UNCX: variants seen among roughly 807,000 people sequenced by gnomAD.
UNCX encodes the protein UNC homeobox.
UNCX carries 4 observed loss-of-function variants against 14.8 expected under a neutral mutation model. That is an observed-to-expected ratio of 0.27 (90% CI 0.13 to 0.62). UNCX has a LOEUF of 0.62. UNCX is among the 20% of genes least tolerant of loss of function. The pLI is 0.86. For synonymous variants in UNCX, 459 were observed against 395.8 expected, an observed-to-expected ratio of 1.16 and a Z score of -1.90; for missense variants, 749 against 786.8, an observed-to-expected ratio of 0.95 and a Z score of 0.58.
In UNCX at chr7:1,236,954, G is replaced by T; in HGVS notation, c.1573G>T (p.Gly525Cys). ...GAAAGPSPPE[G>C]EELDMD ...GGCGGCCGGACCCAGCCCGCCGGAG[G>T]GCGAGGAGCTGGACATGGACTGAGG... The change falls in exon 3 of 3, where the codon GGC becomes TGC. Residue 525 changes from glycine to cysteine, a missense_variant. Transcript: ENST00000316333. This position sits in a 1 kb window ranked among gnomAD's most constrained non-coding sequence, Gnocchi z 6.9. 1 of 1,199,350 alleles carries T rather than the reference G, an allele frequency of 8.3e-7. No individual in the cohort carries two copies. Among genetic ancestry groups the T allele is most frequent in the Non-Finnish European group, 1.0e-6 (1 of 966,796 alleles). 74.3% of individuals were successfully genotyped at this position (1,199,350 alleles called of 1,614,324 possible).
chr7:1,237,147 T>A lies in UNCX; in HGVS notation c.*170T>A. ...GAGTAAACGAAAGTGCTGTATGAAT[T>A]CGGACCCAGGCAGCAACCACAGGAC... is the stretch of plus-strand genomic sequence containing the variant. On this transcript the variant is annotated 3_prime_UTR_variant, in exon 3 of 3. Coordinates refer to ENST00000316333, the MANE Select transcript of UNCX (RefSeq NM_001080461.3). The surrounding 1 kb of genome is among the most constrained non-coding windows in gnomAD (Gnocchi z 5.8). 1.7e-6 allele frequency: 1 copy of A among 580,066 alleles called. No homozygotes were observed. Among genetic ancestry groups the A allele is most frequent in the Non-Finnish European group, 2.2e-6 (1 of 445,564 alleles). The allele number at this position is 580,066 out of a possible 1,614,324, so 35.9% of individuals were successfully genotyped here.
In UNCX at chr7:1,236,818, G is replaced by T; in HGVS notation, c.1437G>T (p.Ala479=). ...GCGGCGGCGGGGACTGCGCGGACGC[G>T]GGGACCGCCGGCCCCGCGCCCCCGC... is the stretch of plus-strand genomic sequence containing the variant. ...TEGGGGDCAD[A]GTAGPAPPPP... The change falls in exon 3 of 3, where the codon GCG becomes GCT. Residue 479 remains alanine (A), a synonymous_variant. Transcript: ENST00000316333. The surrounding 1 kb of genome is among the most constrained non-coding windows in gnomAD (Gnocchi z 6.9). 1 of 987,340 alleles carries T rather than the reference G, an allele frequency of 1.0e-6. No individual in the cohort carries two copies. The highest frequency in any genetic ancestry group is 4.5e-5 in the South Asian group (1 of 22,078). The allele number at this position is 987,340 out of a possible 1,614,324, so 61.2% of individuals were successfully genotyped here.
At position 1,236,479 on chromosome 7, in the gene UNCX, G is replaced by T. The variant is rs773393879; in HGVS notation, c.1098G>T (p.Pro366=). The T allele has an allele frequency of 1.4e-4, 193 of 1,386,102 alleles. No homozygotes were observed. Among genetic ancestry groups the T allele is most frequent in the Non-Finnish European group, 1.6e-4 (176 of 1,066,994 alleles). The allele number at this position is 1,386,102 out of a possible 1,614,324, so 85.9% of individuals were successfully genotyped here. The change falls in exon 3 of 3, where the codon CCG becomes CCT. Residue 366 remains proline, a synonymous_variant. Transcript: ENST00000316333. This position sits in a 1 kb window ranked among gnomAD's most constrained non-coding sequence, Gnocchi z 6.9. The stretch of plus-strand genomic sequence containing the variant: ...GGCTGGACTTCGCGCCCGGGCTGCC[G>T]TGCGCGCCGCGGACCCTGATCGGCA... ...AAGLDFAPGL[P]CAPRTLIGKG...
In UNCX at chr7:1,233,699, A is replaced by C. The variant is rs757653977; in HGVS notation, c.450+4A>C. On this transcript the variant is annotated splice_donor_region_variant and intron_variant, in intron 2 of 2. Transcript: ENST00000316333. This position sits in a 1 kb window ranked among gnomAD's most constrained non-coding sequence, Gnocchi z 5.3. ...CCTGGTCGAGTCCCGAGTTCAGGTAAAGACCCGGCGTCGCTCCCGGATCTG... is the reference window on the plus strand; with the variant it reads ...CCTGGTCGAGTCCCGAGTTCAGGTACAGACCCGGCGTCGCTCCCGGATCTG... 6.9e-6 allele frequency: 11 copies of C among 1,591,170 alleles called. No individual in the cohort carries two copies. Among genetic ancestry groups the C allele is most frequent in the Non-Finnish European group, 9.4e-6 (11 of 1,166,278 alleles).
At position 1,233,704 on chromosome 7, in the gene UNCX, C is replaced by G; in HGVS notation, c.450+9C>G. 1 of 1,585,338 alleles carries G rather than the reference C, an allele frequency of 6.3e-7. No homozygotes were observed. Among genetic ancestry groups the G allele is most frequent in the African/African-American group, 1.4e-5 (1 of 73,416 alleles). On this transcript the variant is annotated intron_variant, in intron 2 of 2. Transcript: ENST00000316333. The surrounding 1 kb of genome is among the most constrained non-coding windows in gnomAD (Gnocchi z 5.3). ...TCGAGTCCCGAGTTCAGGTAAAGACCCGGCGTCGCTCCCGGATCTGCCATC... is the reference window on the plus strand; with the variant it reads ...TCGAGTCCCGAGTTCAGGTAAAGACGCGGCGTCGCTCCCGGATCTGCCATC...
rs754043600 is a variant in UNCX at position 1,235,924 on chromosome 7, G to T, written c.543G>T (p.Thr181=). The T allele has an allele frequency of 3.7e-6, 6 of 1,612,516 alleles. No homozygotes were observed. Among genetic ancestry groups the T allele is most frequent in the Non-Finnish European group, 5.1e-6 (6 of 1,179,724 alleles). Residue 181 remains threonine, a synonymous_variant, in exon 3 of 3, where the codon ACG becomes ACT. Transcript: ENST00000316333. ...CGGCGCACAACTCGCACCCGACCAC[G>T]TGCAGCGGCGAGCCCATGGACCCGG... ...GRPAHNSHPT[T]CSGEPMDPEE...
chr7:1,236,478 C>A lies in UNCX; in HGVS notation c.1097C>A (p.Pro366Gln). ...GGGCTGGACTTCGCGCCCGGGCTGC[C>A]GTGCGCGCCGCGGACCCTGATCGGC... is the stretch of plus-strand genomic sequence containing the variant. ...AAGLDFAPGLPCAPRTLIGKG... is the reference protein window; with the variant it reads ...AAGLDFAPGLQCAPRTLIGKG... The change falls in exon 3 of 3, where the codon CCG (proline) becomes CAG (glutamine). Residue 366 changes from proline to glutamine, a missense_variant. This residue lies in a region of UNCX where 552 missense variants were observed against 507.2 expected (regional missense o/e 1.09). Coordinates refer to ENST00000316333, the MANE Select transcript of UNCX (RefSeq NM_001080461.3). The surrounding 1 kb of genome is among the most constrained non-coding windows in gnomAD (Gnocchi z 6.9). 2 of 1,386,074 alleles carry A rather than the reference C, an allele frequency of 1.4e-6. No homozygotes were observed. Among genetic ancestry groups the A allele is most frequent in the South Asian group, 1.4e-5 (1 of 70,356 alleles). 85.9% of individuals were successfully genotyped at this position (1,386,074 alleles called of 1,614,324 possible).
chr7:1,236,263 C>T lies in UNCX; in HGVS notation c.882C>T (p.Gly294=). 2.2e-6 allele frequency: 3 copies of T among 1,379,312 alleles called. No homozygotes were observed. Among genetic ancestry groups the T allele is most frequent in the Non-Finnish European group, 1.9e-6 (2 of 1,059,492 alleles). The allele number at this position is 1,379,312 out of a possible 1,614,324, so 85.4% of individuals were successfully genotyped here. Residue 294 remains glycine, a synonymous_variant, in exon 3 of 3, where the codon GGC becomes GGT. Coordinates refer to ENST00000316333, the MANE Select transcript of UNCX (RefSeq NM_001080461.3). The surrounding 1 kb of genome is among the most constrained non-coding windows in gnomAD (Gnocchi z 6.9). ...ACCCGAGCCAAAGAAGCGGCGCCGG[C>T]CCACAGCCGCGCCCAGGTCGCCCTG... ...AFYPSQRSGA[G]PQPRPGRPAD...
Position 1,236,705 on chromosome 7 carries a change from C to T in UNCX, c.1324C>T (p.Arg442Cys), listed in dbSNP as rs1778749958. The T allele has an allele frequency of 1.0e-6, 1 of 998,704 alleles. No homozygotes were observed. Among genetic ancestry groups the T allele is most frequent in the Non-Finnish European group, 1.2e-6 (1 of 840,518 alleles). The allele number at this position is 998,704 out of a possible 1,614,324, so 61.9% of individuals were successfully genotyped here. The change falls in exon 3 of 3, where the codon CGC (arginine) becomes TGC (cysteine). Residue 442 changes from arginine to cysteine, a missense_variant. Physicochemically the swap from Arg to Cys is radical, Grantham distance 180 (BLOSUM62 -3). Around this residue, in one of 3 missense-constraint regions of UNCX, gnomAD observed 552 missense variants for 507.2 expected, o/e 1.09. Coordinates refer to ENST00000316333, the MANE Select transcript of UNCX (RefSeq NM_001080461.3). The surrounding 1 kb of genome is among the most constrained non-coding windows in gnomAD (Gnocchi z 6.9). Reference protein sequence around the residue: ...GGAPDSAFARRSPDAVASPGA... With the variant: ...GGAPDSAFARCSPDAVASPGA... ...CGCCCCGGACTCGGCCTTCGCGCGT[C>T]GCAGCCCCGACGCCGTCGCCTCCCC...
Position 1,236,056 on chromosome 7 carries a change from G to C in UNCX, c.675G>C (p.Leu225=). 2 of 1,598,482 alleles carry C rather than the reference G, an allele frequency of 1.3e-6. No homozygotes were observed. Among genetic ancestry groups the C allele is most frequent in the Non-Finnish European group, 1.7e-6 (2 of 1,173,754 alleles). Residue 225 remains leucine (L), a synonymous_variant, in exon 3 of 3, where the codon CTG becomes CTC. Transcript: ENST00000316333. This position sits in a 1 kb window ranked among gnomAD's most constrained non-coding sequence, Gnocchi z 6.9. ...GCCACTTGCACTCGCCCGGCGGCCTGTCCCTGCACAGCGCGCCCAGCTCCG... is the reference window on the plus strand; with the variant it reads ...GCCACTTGCACTCGCCCGGCGGCCTCTCCCTGCACAGCGCGCCCAGCTCCG... ...QGRHLHSPGG[L]SLHSAPSSDS...
Position 1,236,402 on chromosome 7 carries a change from T to A in UNCX, c.1021T>A (p.Ser341Thr). The change falls in exon 3 of 3, where the codon TCG (serine) becomes ACG (threonine). Residue 341 changes from serine (S) to threonine (T), a missense_variant. Coordinates refer to ENST00000316333, the MANE Select transcript of UNCX (RefSeq NM_001080461.3). The surrounding 1 kb of genome is among the most constrained non-coding windows in gnomAD (Gnocchi z 6.9). ...CAGCGTGGAGAGCCTCCTGTCCGAC[T>A]CGCCGCCGCGCCGGAAAGCCGCTTC... is the stretch of plus-strand genomic sequence containing the variant. ...PFSVESLLSD[S>T]PPRRKAASNA... 1.5e-6 allele frequency: 2 copies of A among 1,369,160 alleles called. No homozygotes were observed. Among genetic ancestry groups the A allele is most frequent in the Non-Finnish European group, 1.9e-6 (2 of 1,059,100 alleles). The allele number at this position is 1,369,160 out of a possible 1,614,324, so 84.8% of individuals were successfully genotyped here.
Position 1,236,408 on chromosome 7 carries a change from C to T in UNCX, c.1027C>T (p.Pro343Ser), listed in dbSNP as rs1352815027. The T allele has an allele frequency of 7.3e-7, 1 of 1,370,994 alleles. No individual in the cohort carries two copies. Among genetic ancestry groups the T allele is most frequent in the Non-Finnish European group, 9.4e-7 (1 of 1,059,720 alleles). 84.9% of individuals were successfully genotyped at this position (1,370,994 alleles called of 1,614,324 possible). ...GGAGAGCCTCCTGTCCGACTCGCCG[C>T]CGCGCCGGAAAGCCGCTTCCAACGC... ...SVESLLSDSP[P>S]RRKAASNAAA... is the part of the protein sequence containing the mutation. The change falls in exon 3 of 3, where the codon CCG becomes TCG. Residue 343 changes from proline to serine, a missense_variant. By Grantham distance (74) the Pro-to-Ser change is moderately conservative (BLOSUM62 -1). This residue lies in a region of UNCX where 552 missense variants were observed against 507.2 expected (regional missense o/e 1.09). Coordinates refer to ENST00000316333, the MANE Select transcript of UNCX (RefSeq NM_001080461.3). The surrounding 1 kb of genome is among the most constrained non-coding windows in gnomAD (Gnocchi z 6.9).
Position 1,235,812 on chromosome 7 carries a change from C to T in UNCX, c.451-20C>T, listed in dbSNP as rs781174245. On this transcript the variant is annotated intron_variant, in intron 2 of 2. Transcript: ENST00000316333. ...CCGCCGCCTGATTGTGGCTTCCTCT[C>T]CCCTATCCGGCTGCTCTAGGTCTGG... The T allele has an allele frequency of 1.9e-6, 3 of 1,604,848 alleles. No individual in the cohort carries two copies. Among genetic ancestry groups the T allele is most frequent in the African/African-American group, 2.7e-5 (2 of 74,674 alleles).
Position 1,237,042 on chromosome 7 carries a change from C to G in UNCX, c.*65C>G, listed in dbSNP as rs991815811. 77 of 1,075,830 alleles carry G rather than the reference C, an allele frequency of 7.2e-5. No individual in the cohort carries two copies. The African/African-American group carries it at 1.2e-3, about 17-fold the overall frequency. The allele number at this position is 1,075,830 out of a possible 1,614,324, so 66.6% of individuals were successfully genotyped here. A position where few individuals can be genotyped will look rare whatever the true frequency, so the allele number is the denominator to read the frequency against. On this transcript the variant is annotated 3_prime_UTR_variant, in exon 3 of 3. Transcript: ENST00000316333. The surrounding 1 kb of genome is among the most constrained non-coding windows in gnomAD (Gnocchi z 5.8). ...CCGCTCGCTCAGGCTCCGACTCACG[C>G]AACGAATCAGGTGATCGGCTCTAGA...
rs915445750 is a variant in UNCX at position 1,234,802 on chromosome 7, G to A, written c.451-1030G>A. ...GAAGGAAAAGGCGGTTACAGCGTTG[G>A]GGGAGGGCTCGGCTTCATGCTGGAG... On this transcript the variant is annotated intron_variant, in intron 2 of 2. Transcript: ENST00000316333. 2.6e-5 allele frequency among the ~76,000 whole-genome samples: 4 copies of A among 151,090 alleles called. No individual in the cohort carries two copies. In the South Asian group the frequency reaches 6.3e-4, roughly 24 times the overall value.
In UNCX at chr7:1,236,507, G is replaced by A. The variant is rs1778745514; in HGVS notation, c.1126G>A (p.Gly376Ser). 7.1e-7 allele frequency: 1 copy of A among 1,409,984 alleles called. No individual in the cohort carries two copies. The highest frequency in any genetic ancestry group is 9.3e-7 in the Non-Finnish European group (1 of 1,077,758). 87.3% of individuals were successfully genotyped at this position (1,409,984 alleles called of 1,614,324 possible). Residue 376 changes from glycine to serine, a missense_variant, in exon 3 of 3, where the codon GGC becomes AGC. Physicochemically the swap from Gly to Ser is moderately conservative, Grantham distance 56. Transcript: ENST00000316333. The surrounding 1 kb of genome is among the most constrained non-coding windows in gnomAD (Gnocchi z 6.9). ...PCAPRTLIGK[G>S]HFLLYPITQP... Reference sequence around the variant, plus strand: ...CGCGCCGCGGACCCTGATCGGCAAGGGCCACTTCCTCCTCTACCCCATCAC... The same window carrying A: ...CGCGCCGCGGACCCTGATCGGCAAGAGCCACTTCCTCCTCTACCCCATCAC...
Position 1,236,175 on chromosome 7 carries a change from CG to C in UNCX, c.798del (p.Thr267ProfsTer106). On this transcript the variant is annotated frameshift_variant, in exon 3 of 3. Coordinates refer to ENST00000316333, the MANE Select transcript of UNCX (RefSeq NM_001080461.3). LOFTEE classifies it low-confidence loss of function (END_TRUNC). This position sits in a 1 kb window ranked among gnomAD's most constrained non-coding sequence, Gnocchi z 6.9. ...CCCGGAGCGCACGCCTCGGGCGCCG[CG>C]GGGACCGCGCCCGCCCCTCCCGGCG... ...KGPGAHASGAAGTAPAPPGEP... is the reference protein window; with the variant it reads ...KGPGAHASGAXGTAPAPPGEP... 3.3e-6 allele frequency: 4 copies of C among 1,221,260 alleles called. No individual in the cohort carries two copies. Among genetic ancestry groups the C allele is most frequent in the Non-Finnish European group, 2.1e-6 (2 of 973,522 alleles). 75.7% of individuals were successfully genotyped at this position (1,221,260 alleles called of 1,614,324 possible).
At position 1,236,564 on chromosome 7, in the gene UNCX, G is replaced by A. The variant is rs755246954; in HGVS notation, c.1183G>A (p.Ala395Thr). 1.1e-4 allele frequency: 151 copies of A among 1,347,680 alleles called. 1 individual carries two copies. In the African/African-American group the frequency reaches 2.0e-3, roughly 18 times the overall value. The allele number at this position is 1,347,680 out of a possible 1,614,324, so 83.5% of individuals were successfully genotyped here. ...QPLGFLVPQA[A>T]LKGGAGLEPA... ...GCTCGGCTTCCTGGTGCCGCAGGCC[G>A]CGCTCAAGGGCGGCGCGGGCCTGGA... Residue 395 changes from alanine (A) to threonine (T), a missense_variant, in exon 3 of 3, where the codon GCG (alanine) becomes ACG (threonine). By Grantham distance (58) the Ala-to-Thr change is moderately conservative. Transcript: ENST00000316333. This position sits in a 1 kb window ranked among gnomAD's most constrained non-coding sequence, Gnocchi z 6.9.
chr7:1,236,808 GCGCGGA>G lies in UNCX; in HGVS notation c.1433_1438del (p.Asp478_Ala479del). ...GCTACCGAGGGCGGCGGCGGGGACT[GCGCGGA>G]CGCGGGGACCGCCGGCCCCGCGCCC... On this transcript the variant is annotated inframe_deletion, in exon 3 of 3. Coordinates refer to ENST00000316333, the MANE Select transcript of UNCX (RefSeq NM_001080461.3). The surrounding 1 kb of genome is among the most constrained non-coding windows in gnomAD (Gnocchi z 6.9). 1.0e-6 allele frequency: 1 copy of G among 987,198 alleles called. No homozygotes were observed. The highest frequency in any genetic ancestry group is 1.2e-6 in the Non-Finnish European group (1 of 832,756). The allele number at this position is 987,198 out of a possible 1,614,324, so 61.2% of individuals were successfully genotyped here. A position where few individuals can be genotyped will look rare whatever the true frequency, so the allele number is the denominator to read the frequency against.
Sources: gnomAD v4.1 joint callset for allele counts (sites outside exome capture counted in the v4.1 genomes callset) on GRCh38, gnomAD v4.1.1 for gene constraint, gnomAD v4.1.1 regional missense constraint, Gnocchi (gnomAD v3.1) non-coding constraint, MANE v1.5 for transcripts, NCBI Gene and HGNC (gene_info 2026-07-23, HGNC 2026-07-21) for gene names.